KIF2A: variants seen among roughly 807,000 people sequenced by gnomAD.
The protein encoded by KIF2A is kinesin family member 2A.
In KIF2A, 22 loss-of-function variants were observed where a neutral mutation model predicts 100.2. That is an observed-to-expected ratio of 0.22 (90% confidence interval 0.16 to 0.31). KIF2A has a LOEUF of 0.31. KIF2A is among the 10% of genes least tolerant of loss of function. The pLI is 1.00. For missense variants in KIF2A, 495 were observed against 898.7 expected, an observed-to-expected ratio of 0.55 and a Z score of 5.74; for synonymous variants, 268 against 285.9, an observed-to-expected ratio of 0.94 and a Z score of 0.63.
chr5:62,344,777 ATAGG>A (rs1052501051), intron 1 of KIF2A, among the ~76,000 whole-genome samples: 8 of 152,224 alleles, frequency 5.3e-5, no homozygotes, highest in Non-Finnish European at 1.0e-4. Context: ...ATGAAAAATA[ATAGG>A]TAGGTCTATA....
At chr5:62,340,254 G>A (rs2111883294) in intron 1 of KIF2A, among the ~76,000 whole-genome samples, 1 of 152,194 alleles carries the variant, frequency 6.6e-6, no homozygotes, top group East Asian at 1.9e-4. Flanking sequence ...TCTTTGGGAG[G>A]GGAATGTATG....
chr5:62,366,795 C>T (rs1001366055), intron 16 of KIF2A, among the ~76,000 whole-genome samples: 1 of 149,892 alleles, frequency 6.7e-6, no homozygotes, highest in African/African-American at 2.5e-5. Flanking sequence ...CACGCCACTG[C>T]ACTCCAGCCT....
chr5:62,366,790 C>T (rs1470898348), intron 16 of KIF2A, among the ~76,000 whole-genome samples: 2 of 149,878 alleles, frequency 1.3e-5, no homozygotes, highest in African/African-American at 4.9e-5. Flanking sequence ...GAGATCACGC[C>T]ACTGCACTCC....
At chr5:62,371,236 A>G (rs1207188114) in intron 16 of KIF2A, among the ~76,000 whole-genome samples, 1 of 152,200 alleles carries the variant, frequency 6.6e-6, no homozygotes, top group African/African-American at 2.4e-5. Flanking sequence ...CCTGGGTGAT[A>G]TGGTGAGACC....
chr5:62,308,033 G>C (rs1248734659), intron 1 of KIF2A, among the ~76,000 whole-genome samples: 1 of 152,220 alleles, frequency 6.6e-6, no homozygotes, highest in Admixed American at 6.5e-5. Context: ...CAAGTTACGT[G>C]AAGCTAGATT....
In KIF2A at chr5:62,369,074, A is replaced by G. The variant is rs1327959886; in HGVS notation, c.1646+2593A>G. Among the ~76,000 whole-genome samples, 4 of 152,196 alleles carry G rather than the reference A, an allele frequency of 2.6e-5. No individual in the cohort carries two copies. The East Asian group carries it at 7.7e-4, about 29-fold the overall frequency. On this transcript the variant is annotated intron_variant, in intron 16 of 20. Coordinates refer to ENST00000407818, the MANE Select transcript of KIF2A (RefSeq NM_001098511.3). ...TCTGTTTCTTAAGATTTGAAACTACAAAAGATTCCTCCCTAATATTGTGAA... is the reference window on the plus strand; with the variant it reads ...TCTGTTTCTTAAGATTTGAAACTACGAAAGATTCCTCCCTAATATTGTGAA...
At chr5:62,383,229 A>AT (rs70977902) in intron 20 of KIF2A, among the ~76,000 whole-genome samples, 421 of 39,106 alleles carry the variant, frequency 0.011, 47 homozygotes, top group South Asian at 0.018. Flanking sequence ...GCCTGGCCAG[A>AT]TTTTTTTTTT....
At chr5:62,320,050 T>G in intron 1 of KIF2A, among the ~76,000 whole-genome samples, 1 of 152,184 alleles carries the variant, frequency 6.6e-6, no homozygotes, top group Non-Finnish European at 1.5e-5. Context: ...TATATATCTC[T>G]ATCTACATGT....
chr5:62,314,656 C>T (rs1025705882), intron 1 of KIF2A, among the ~76,000 whole-genome samples: 1 of 151,208 alleles, frequency 6.6e-6, no homozygotes, highest in African/African-American at 2.4e-5. Flanking sequence ...TAGGTTTTGG[C>T]ATTAATTTTG....
intron 1 of KIF2A, among the ~76,000 whole-genome samples, chr5:62,319,012 T>A (rs1201378362): frequency 6.6e-6 from 1 of 152,190 alleles, no homozygotes; most frequent in Non-Finnish European, 1.5e-5. Flanking sequence ...CTTATTACCA[T>A]GGTCTCTTAA....
intron 1 of KIF2A, among the ~76,000 whole-genome samples, chr5:62,316,834 G>C (rs1561247466): frequency 6.6e-6 from 1 of 152,060 alleles, no homozygotes; most frequent in Non-Finnish European, 1.5e-5. Flanking sequence ...GCAAACTTTA[G>C]GTGTTAAAAG....
At chr5:62,318,556 A>G (rs1268173055) in intron 1 of KIF2A, among the ~76,000 whole-genome samples, 1 of 152,188 alleles carries the variant, frequency 6.6e-6, no homozygotes, top group Non-Finnish European at 1.5e-5. Flanking sequence ...GAGTAATAAC[A>G]TTGCTTTTAA....
rs1207282931 is a variant in KIF2A, at chr5:62,387,002, A to G, written c.*1433A>G. On this transcript the variant is annotated 3_prime_UTR_variant, in exon 21 of 21. Coordinates refer to ENST00000407818, the MANE Select transcript of KIF2A (RefSeq NM_001098511.3). ...ACTCCAGGGAACTATCAGCTCCTTC[A>G]CAGGAGCCAAAGGGGAGCTATGAAT... Among the ~76,000 whole-genome samples, 2 of 152,206 alleles carry G rather than the reference A, an allele frequency of 1.3e-5. No individual in the cohort carries two copies. Among genetic ancestry groups the G allele is most frequent in the Non-Finnish European group, 2.9e-5 (2 of 68,032 alleles).
chr5:62,344,943 C>T (rs966290454), intron 1 of KIF2A, among the ~76,000 whole-genome samples: 11 of 152,136 alleles, frequency 7.2e-5, no homozygotes, highest in Admixed American at 2.0e-4. Flanking sequence ...TATATGAGCT[C>T]ATATAAAAGG....
At chr5:62,378,158 C>T (rs568374013) in intron 19 of KIF2A, among the ~76,000 whole-genome samples, 1 of 152,298 alleles carries the variant, frequency 6.6e-6, no homozygotes, top group African/African-American at 2.4e-5. Context: ...AAAAGAGAGA[C>T]TACTTACTTC....
intron 1 of KIF2A, among the ~76,000 whole-genome samples, chr5:62,318,429 A>G (rs1745937649): frequency 6.6e-6 from 1 of 152,192 alleles, no homozygotes; most frequent in Non-Finnish European, 1.5e-5. Flanking sequence ...TTGGGATTAT[A>G]TATGGGTTGT....
intron 16 of KIF2A, among the ~76,000 whole-genome samples, chr5:62,368,460 A>G (rs1434473438): frequency 6.6e-6 from 1 of 152,142 alleles, no homozygotes; most frequent in Admixed American, 6.5e-5. Flanking sequence ...AAAAAAAGTG[A>G]TTAAAATATA....
intron 16 of KIF2A, among the ~76,000 whole-genome samples, chr5:62,368,776 T>TAA (rs879769914): frequency 1.4e-5 from 2 of 143,872 alleles, no homozygotes; most frequent in African/African-American, 2.5e-5. Flanking sequence ...GACCTTGTCT[T>TAA]AAAAAAAAAA....
At chr5:62,338,851 G>A (rs151248724) in intron 1 of KIF2A, among the ~76,000 whole-genome samples, 356 of 152,168 alleles carry the variant, frequency 2.3e-3, no homozygotes, top group African/African-American at 6.8e-3. Context: ...TAGAGAAATA[G>A]CCCAAACAAA....
Sources: allele counts gnomAD v4.1 joint callset (sites outside exome capture counted in the v4.1 genomes callset), GRCh38; gene constraint gnomAD v4.1.1; transcripts MANE v1.5; gene names NCBI Gene and HGNC (gene_info 2026-07-23, HGNC 2026-07-21).